Variants in NAALADL2 observed in about 807,000 individuals in gnomAD.
The protein encoded by NAALADL2 is N-acetylated alpha-linked acidic dipeptidase like 2.
A neutral mutation model predicts 87.2 loss-of-function variants in NAALADL2; 76 were observed. The observed-to-expected ratio is 0.87, with a 90% CI of 0.72 to 1.05. The LOEUF is 1.05. Ranked by LOEUF, NAALADL2 falls within the 50% of genes least tolerant of loss-of-function variation. The pLI, the probability that NAALADL2 is intolerant of heterozygous loss-of-function variation, is 0.00. For missense variants in NAALADL2, 1,089 were observed against 945.8 expected (o/e 1.15, Z -1.99); for synonymous variants, 354 against 331.0 (o/e 1.07, Z -0.75).
At chr3:175,178,044 A>G (rs937812381) in intron 2 of NAALADL2, among the ~76,000 whole-genome samples, 4 of 152,056 alleles carry the variant, frequency 2.6e-5, no homozygotes, top group Admixed American at 1.3e-4. Context: ...ACATTCAATC[A>G]GTGTTCTCAC....
chr3:175,283,837 T>C (rs1188140818), intron 4 of NAALADL2, among the ~76,000 whole-genome samples: 1 of 152,054 alleles, frequency 6.6e-6, no homozygotes, highest in Non-Finnish European at 1.5e-5. Flanking sequence ...GGACATGAGC[T>C]TAATCACTAG....
chr3:174,740,906 GA>G (rs1239438642), intron 3 of NAALADL2, among the ~76,000 whole-genome samples: 1 of 151,676 alleles, frequency 6.6e-6, no homozygotes, highest in Admixed American at 6.6e-5. Flanking sequence ...TTATTTTTAT[GA>G]AAAAGTTCTC....
chr3:174,954,464 A>G (rs887048352), intron 1 of NAALADL2, among the ~76,000 whole-genome samples: 1 of 152,074 alleles, frequency 6.6e-6, no homozygotes, highest in African/African-American at 2.4e-5. Context: ...TAATACAGGG[A>G]AATAAACCTC....
chr3:175,769,996 G>A (rs1382715972), intron 13 of NAALADL2, among the ~76,000 whole-genome samples: 1 of 151,850 alleles, frequency 6.6e-6, no homozygotes, highest in Non-Finnish European at 1.5e-5. Flanking sequence ...TTGTTTTGAG[G>A]CCTCCAACTG....
chr3:175,091,187 T>C (rs1277664181), intron 1 of NAALADL2, among the ~76,000 whole-genome samples: 1 of 152,132 alleles, frequency 6.6e-6, no homozygotes, highest in African/African-American at 2.4e-5. Context: ...TAAAGAATAT[T>C]CTTAAACTTA....
At chr3:175,363,825 G>T (rs1355537214) in intron 5 of NAALADL2, among the ~76,000 whole-genome samples, 1 of 147,548 alleles carries the variant, frequency 6.8e-6, no homozygotes, top group Non-Finnish European at 1.5e-5. Context: ...CATTCTTCTG[G>T]GTTTTGTAAT....
At chr3:174,801,041 G>A (rs1171422394) in intron 3 of NAALADL2, among the ~76,000 whole-genome samples, 3 of 152,164 alleles carry the variant, frequency 2.0e-5, no homozygotes, top group African/African-American at 7.2e-5. Context: ...GAAAGGACTT[G>A]TCTTGTCTCA....
intron 13 of NAALADL2, among the ~76,000 whole-genome samples, chr3:175,781,469 A>C (rs9823238): frequency 0.11 from 16,036 of 152,062 alleles, 2,635 homozygotes; most frequent in African/African-American, 0.36. Context: ...GCATATAGCA[A>C]TTATAACTAA....
At chr3:175,383,018 T>C (rs1767965252) in intron 5 of NAALADL2, among the ~76,000 whole-genome samples, 1 of 152,062 alleles carries the variant, frequency 6.6e-6, no homozygotes, top group Non-Finnish European at 1.5e-5. Flanking sequence ...TTCATACGTT[T>C]TGGATCATAT....
intron 5 of NAALADL2, among the ~76,000 whole-genome samples, chr3:175,339,076 C>A (rs1023851154): frequency 6.6e-6 from 1 of 152,242 alleles, no homozygotes; most frequent in African/African-American, 2.4e-5. Flanking sequence ...GAGTGGGGAA[C>A]AACTGCGGCA....
chr3:174,464,877 C>T (rs1716427970), intron 1 of NAALADL2, among the ~76,000 whole-genome samples: 1 of 151,906 alleles, frequency 6.6e-6, no homozygotes, highest in Non-Finnish European at 1.5e-5. Flanking sequence ...ACCATATTTT[C>T]CTTCCTCTAA....
intron 10 of NAALADL2, among the ~76,000 whole-genome samples, chr3:175,588,831 C>T (rs935587262): frequency 6.6e-6 from 1 of 152,096 alleles, no homozygotes; most frequent in Non-Finnish European, 1.5e-5. Context: ...AGCCACCGTG[C>T]CCTGCCAGGA....
chr3:175,482,910 T>A (rs115886658), intron 9 of NAALADL2, among the ~76,000 whole-genome samples: 1 of 151,846 alleles, frequency 6.6e-6, no homozygotes, highest in Non-Finnish European at 1.5e-5. Context: ...GAATTAACTT[T>A]TGTTTGTAAG....
At chr3:175,283,311 G>GTTTGCA (rs1754558525) in intron 4 of NAALADL2, among the ~76,000 whole-genome samples, 1 of 152,064 alleles carries the variant, frequency 6.6e-6, no homozygotes, top group African/African-American at 2.4e-5. Context: ...ATTGACTGCA[G>GTTTGCA]TTTGCATTTT....
chr3:174,697,749 C>CTA lies in NAALADL2; in HGVS notation c.-114-39891_-114-39890dup, dbSNP rs542502449. Among the ~76,000 whole-genome samples the CTA allele has an allele frequency of 8.7e-4, 132 of 152,188 alleles. 2 individuals are homozygous for CTA. Among genetic ancestry groups the CTA allele is most frequent in the African/African-American group, 3.1e-3 (127 of 41,520 alleles). On this transcript the variant is annotated intron_variant, in intron 2 of 3. Transcript: ENST00000434257. Reference sequence around the variant, plus strand: ...AAAATAAATATGTAAAAACTTGAAACTAAATATACATTTCAAAAGCTTAAA... The same window carrying CTA: ...AAAATAAATATGTAAAAACTTGAAACTATAAATATACATTTCAAAAGCTTAAA...
At chr3:175,097,825 A>G (rs540745104) in intron 2 of NAALADL2, among the ~76,000 whole-genome samples, 2 of 152,296 alleles carry the variant, frequency 1.3e-5, no homozygotes, top group South Asian at 4.1e-4. Flanking sequence ...AGTGAAGTGA[A>G]GAACTAGATA....
chr3:174,898,127 A>AAAAAAAAAAAAAAAAAAAAAAAAAG (rs1731824070), intron 1 of NAALADL2, among the ~76,000 whole-genome samples: 1 of 131,522 alleles, frequency 7.6e-6, no homozygotes, highest in Non-Finnish European at 1.5e-5. Context: ...AAAAAAAAAA[A>AAAAAAAAAAAAAAAAAAAAAAAAAG]AAAAAAAAAA....
At chr3:174,952,422 C>A (rs2108515829) in intron 1 of NAALADL2, among the ~76,000 whole-genome samples, 1 of 152,144 alleles carries the variant, frequency 6.6e-6, no homozygotes, top group Middle Eastern at 3.4e-3. Flanking sequence ...ACAGGATTTG[C>A]CTGTGATAGC....
intron 3 of NAALADL2, among the ~76,000 whole-genome samples, chr3:175,240,085 G>A (rs971232592): frequency 2.0e-5 from 3 of 151,958 alleles, no homozygotes; most frequent in Non-Finnish European, 2.9e-5. Context: ...AGACAAATAC[G>A]AATCATTAGG....
Sources: allele counts gnomAD v4.1 joint callset (sites outside exome capture counted in the v4.1 genomes callset), GRCh38; gene constraint gnomAD v4.1.1; transcripts MANE v1.5; gene names NCBI Gene and HGNC (gene_info 2026-07-23, HGNC 2026-07-21).